The following OPCML variants were observed in gnomAD, a reference collection of about 807,000 sequenced individuals.
The protein encoded by OPCML is opioid-binding protein/cell adhesion molecule.
A neutral mutation model predicts 37.8 loss-of-function variants in OPCML; 13 were observed. The ratio of observed to expected loss-of-function variants is 0.34; its 90% CI spans 0.22 to 0.55. The LOEUF is 0.55. OPCML is among the 20% of genes least tolerant of loss of function. The probability of loss-of-function intolerance (pLI) is 0.91; values close to 1 mark genes in which losing one functional copy is unlikely to be tolerated. For missense variants in OPCML, 341 were observed against 435.6 expected (o/e 0.78, Z 1.93); for synonymous variants, 176 against 168.8 (o/e 1.04, Z -0.33).
chr11:132,704,002 A>C (rs2135930686), intron 2 of OPCML, among the ~76,000 whole-genome samples: 1 of 152,264 alleles, frequency 6.6e-6, no homozygotes, highest in Admixed American at 6.5e-5. Flanking sequence ...CTGGATTTGC[A>C]GCAGTAGGCC....
At chr11:133,341,933 C>T (rs189329158) in intron 1 of OPCML, among the ~76,000 whole-genome samples, 1 of 151,432 alleles carries the variant, frequency 6.6e-6, no homozygotes, top group Non-Finnish European at 1.5e-5. Context: ...AAAAAAAAAG[C>T]CTTTGCAGCA....
At chr11:133,531,772 A>AG (rs1491485887) in intron 1 of OPCML, among the ~76,000 whole-genome samples, 4 of 149,132 alleles carry the variant, frequency 2.7e-5, no homozygotes, top group South Asian at 2.1e-4. Context: ...AGAGAGAGAG[A>AG]AAAGAAACAG....
chr11:133,448,155 GTT>G (rs1946508591), intron 1 of OPCML, among the ~76,000 whole-genome samples: 1 of 152,118 alleles, frequency 6.6e-6, no homozygotes, highest in Non-Finnish European at 1.5e-5. Flanking sequence ...TATTCTAGAA[GTT>G]TTATAGTTTT....
chr11:133,145,343 C>T (rs1483058397), intron 1 of OPCML, among the ~76,000 whole-genome samples: 1 of 152,036 alleles, frequency 6.6e-6, no homozygotes, highest in Non-Finnish European at 1.5e-5. Flanking sequence ...GCAATGTTGA[C>T]TGGCAATTAT....
intron 2 of OPCML, among the ~76,000 whole-genome samples, chr11:132,900,063 C>T (rs1024768694): frequency 6.6e-6 from 1 of 152,128 alleles, no homozygotes; most frequent in Non-Finnish European, 1.5e-5. Flanking sequence ...AATAAATCTC[C>T]TCCCATTGAT....
At chr11:132,698,089 C>T (rs540455549) in intron 2 of OPCML, among the ~76,000 whole-genome samples, 3 of 151,458 alleles carry the variant, frequency 2.0e-5, no homozygotes, top group South Asian at 2.1e-4. Flanking sequence ...ATCAGCCTCC[C>T]GAAGTGCTGG....
chr11:132,551,133 C>T (rs947767385), intron 3 of OPCML, among the ~76,000 whole-genome samples: 17 of 152,206 alleles, frequency 1.1e-4, no homozygotes, highest in Non-Finnish European at 2.4e-4. Flanking sequence ...TATTGCAATT[C>T]CCCTGTCTTG....
At chr11:133,346,533 T>G (rs943058505) in intron 1 of OPCML, among the ~76,000 whole-genome samples, 3 of 152,220 alleles carry the variant, frequency 2.0e-5, no homozygotes, top group African/African-American at 7.2e-5. Flanking sequence ...ACTGAAAATA[T>G]GAAGGCATAT....
At chr11:132,736,070 T>C (rs906301322) in intron 2 of OPCML, among the ~76,000 whole-genome samples, 2 of 152,224 alleles carry the variant, frequency 1.3e-5, no homozygotes, top group Non-Finnish European at 1.5e-5. Context: ...TTCAGAATTA[T>C]TATGAACCAG....
chr11:133,028,839 A>G (rs1002289970), intron 1 of OPCML, among the ~76,000 whole-genome samples: 2 of 152,100 alleles, frequency 1.3e-5, no homozygotes, highest in Non-Finnish European at 2.9e-5. Context: ...CAAATGCCAC[A>G]AAAACAAAAA....
chr11:132,669,717 G>A (rs961986622), intron 2 of OPCML, among the ~76,000 whole-genome samples: 3 of 152,286 alleles, frequency 2.0e-5, no homozygotes, highest in South Asian at 4.1e-4. Context: ...GAGCTTTTGG[G>A]TATAGAAGAA....
At chr11:132,730,101 C>T (rs1235809605) in intron 2 of OPCML, among the ~76,000 whole-genome samples, 2 of 150,274 alleles carry the variant, frequency 1.3e-5, no homozygotes, top group South Asian at 2.1e-4. Context: ...GAACCCTCCA[C>T]CTCCTGGGTT....
intron 2 of OPCML, among the ~76,000 whole-genome samples, chr11:132,755,925 G>A (rs562655055): frequency 6.6e-6 from 1 of 152,188 alleles, no homozygotes; most frequent in Non-Finnish European, 1.5e-5. Flanking sequence ...CACACAGCAA[G>A]TGGCTGACAG....
chr11:133,231,513 T>C (rs1940275818), intron 1 of OPCML, among the ~76,000 whole-genome samples: 1 of 152,102 alleles, frequency 6.6e-6, no homozygotes, highest in African/African-American at 2.4e-5. Flanking sequence ...AGGGCAGAGC[T>C]CTCCTGAGAT....
chr11:133,286,596 C>T (rs151170203), intron 1 of OPCML, among the ~76,000 whole-genome samples: 1 of 152,128 alleles, frequency 6.6e-6, no homozygotes, highest in East Asian at 1.9e-4. Flanking sequence ...ACTAACTGAC[C>T]GAGTCTTGCG....
intron 4 of OPCML, among the ~76,000 whole-genome samples, chr11:132,479,751 C>T (rs1295394750): frequency 6.6e-6 from 1 of 152,154 alleles, no homozygotes; most frequent in Non-Finnish European, 1.5e-5. Flanking sequence ...GGAGGCACCC[C>T]CCAGCAGGGG....
At chr11:132,471,543 T>C (rs911471726) in intron 4 of OPCML, among the ~76,000 whole-genome samples, 12 of 152,314 alleles carry the variant, frequency 7.9e-5, no homozygotes, top group African/African-American at 2.9e-4. Flanking sequence ...GAGGACCTGA[T>C]TCAAGTTGGC....
In OPCML at chr11:133,340,616, G is replaced by C. The variant is rs997212111; in HGVS notation, c.61+191648C>G. On this transcript the variant is annotated intron_variant, in intron 1 of 7. Transcript: ENST00000524381. Reference sequence around the variant, plus strand: ...ACAAATTAAGACTCTCTCTGTGTGTGTGTGTGTGTGTGTGTGTGTGTGTGT... The same window carrying C: ...ACAAATTAAGACTCTCTCTGTGTGTCTGTGTGTGTGTGTGTGTGTGTGTGT... 2.6e-3 allele frequency among the ~76,000 whole-genome samples: 284 copies of C among 110,282 alleles called. 4 individuals carry two copies. Among genetic ancestry groups the C allele is most frequent in the East Asian group, 0.012 (63 of 5,108 alleles). The allele number at this position is 110,282 out of a possible 152,430, so 72.3% of individuals were successfully genotyped here.
intron 2 of OPCML, among the ~76,000 whole-genome samples, chr11:132,795,283 A>G (rs1938239598): frequency 6.6e-6 from 1 of 152,174 alleles, no homozygotes; most frequent in South Asian, 2.1e-4. Flanking sequence ...CTTGTACTGG[A>G]GAAGACTTTA....
Sources: gnomAD v4.1 joint callset for allele counts (sites outside exome capture counted in the v4.1 genomes callset) on GRCh38, gnomAD v4.1.1 for gene constraint, MANE v1.5 for transcripts, NCBI Gene and HGNC (gene_info 2026-07-23, HGNC 2026-07-21) for gene names.